Variants in ENTREP2 observed in about 807,000 individuals in gnomAD.
The protein encoded by ENTREP2 is endosomal transmembrane epsin interactor 2.
the ENTREP2 span, among the ~76,000 whole-genome samples, chr15:29,176,992 C>T: frequency 3.3e-5 from 5 of 152,168 alleles, no homozygotes; most frequent in Non-Finnish European, 5.9e-5. Flanking sequence ...AGTGTCTCCA[C>T]GTTGCCTGCA....
the ENTREP2 span, among the ~76,000 whole-genome samples, chr15:29,422,606 G>T: frequency 6.6e-6 from 1 of 152,214 alleles, no homozygotes; most frequent in African/African-American, 2.4e-5. Flanking sequence ...CTGTAATGTC[G>T]GAAGTTGCTG....
chr15:29,525,589 C>T, the ENTREP2 span, among the ~76,000 whole-genome samples: 1 of 152,230 alleles, frequency 6.6e-6, no homozygotes. Context: ...CATGAAACAA[C>T]ATGGATGAAT....
At chr15:29,381,584 G>A in the ENTREP2 span, among the ~76,000 whole-genome samples, 2 of 151,504 alleles carry the variant, frequency 1.3e-5, no homozygotes, top group African/African-American at 4.9e-5. Flanking sequence ...AGCGCTCTCA[G>A]AAGCACCTCC....
At chr15:29,470,162 C>G in the ENTREP2 span, among the ~76,000 whole-genome samples, 1 of 152,340 alleles carries the variant, frequency 6.6e-6, no homozygotes, top group East Asian at 1.9e-4. Context: ...CACAGACAGT[C>G]ACGGCGTGTG....
At chr15:29,602,873 T>C in the ENTREP2 span, among the ~76,000 whole-genome samples, 72,370 of 152,062 alleles carry the variant, frequency 0.48, 19,898 homozygotes, top group African/African-American at 0.77. Flanking sequence ...GTGATCTCAC[T>C]AAAATGACCA....
the ENTREP2 span, among the ~76,000 whole-genome samples, chr15:29,487,186 G>A: frequency 1.3e-5 from 2 of 152,064 alleles, no homozygotes; most frequent in African/African-American, 2.4e-5. Context: ...AAATAAAAGG[G>A]AAAAAGAAAT....
At chr15:29,429,402 G>T in the ENTREP2 span, among the ~76,000 whole-genome samples, 1 of 152,134 alleles carries the variant, frequency 6.6e-6, no homozygotes, top group Non-Finnish European at 1.5e-5. Context: ...TAAAAATTTT[G>T]TAGAGACAGA....
the ENTREP2 span, among the ~76,000 whole-genome samples, chr15:29,130,510 A>G: frequency 4.6e-5 from 7 of 152,168 alleles, no homozygotes; most frequent in Non-Finnish European, 7.3e-5. Flanking sequence ...ACGGGTGGTT[A>G]ACTTAGAACT....
At chr15:29,471,374 G>C in the ENTREP2 span, among the ~76,000 whole-genome samples, 1 of 152,224 alleles carries the variant, frequency 6.6e-6, no homozygotes, top group Admixed American at 6.5e-5. Flanking sequence ...GAGCTGCAGG[G>C]GCAGCCAGCA....
chr15:29,344,969 C>CGT, the ENTREP2 span, among the ~76,000 whole-genome samples: 1 of 148,512 alleles, frequency 6.7e-6, no homozygotes, highest in Non-Finnish European at 1.5e-5. Flanking sequence ...CACACACACA[C>CGT]ACGTCTGTGT....
At chr15:29,591,556 G>T in the ENTREP2 span, among the ~76,000 whole-genome samples, 1 of 152,126 alleles carries the variant, frequency 6.6e-6, no homozygotes, top group Non-Finnish European at 1.5e-5. Flanking sequence ...AGGTTAAAAT[G>T]AGGTCACTAC....
At chr15:29,587,610 T>C in the ENTREP2 span, among the ~76,000 whole-genome samples, 2 of 152,196 alleles carry the variant, frequency 1.3e-5, no homozygotes, top group Non-Finnish European at 2.9e-5. Context: ...TTATCTTGCC[T>C]TCCTATATGA....
At chr15:29,518,069 T>G in the ENTREP2 span, among the ~76,000 whole-genome samples, 2 of 152,138 alleles carry the variant, frequency 1.3e-5, no homozygotes, top group Non-Finnish European at 2.9e-5. Context: ...AGACCCTATC[T>G]AATTAGGCAT....
At chr15:29,166,706 G>C in the ENTREP2 span, among the ~76,000 whole-genome samples, 1 of 152,170 alleles carries the variant, frequency 6.6e-6, no homozygotes, top group Non-Finnish European at 1.5e-5. Flanking sequence ...CCAGGCTCGT[G>C]AATGGGTAGA....
At chr15:29,241,157 T>A in the ENTREP2 span, among the ~76,000 whole-genome samples, 1 of 152,138 alleles carries the variant, frequency 6.6e-6, no homozygotes, top group South Asian at 2.1e-4. Flanking sequence ...ATATCTAAAT[T>A]TACAGAAGAA....
chr15:29,632,997 T>C, the ENTREP2 span, among the ~76,000 whole-genome samples: 1 of 152,236 alleles, frequency 6.6e-6, no homozygotes, highest in Non-Finnish European at 1.5e-5. Context: ...TGGCCTGACC[T>C]TGATTCAGGT....
the ENTREP2 span, among the ~76,000 whole-genome samples, chr15:29,480,337 G>GAAA: frequency 4.4e-5 from 1 of 22,860 alleles, no homozygotes; most frequent in African/African-American, 1.9e-4. Flanking sequence ...ATTCACTATA[G>GAAA]CAAAAAAAAA....
At chr15:29,237,654 A>G in the ENTREP2 span, among the ~76,000 whole-genome samples, 1 of 152,204 alleles carries the variant, frequency 6.6e-6, no homozygotes, top group Non-Finnish European at 1.5e-5. Context: ...ACAAAGTCAG[A>G]AAAGAAACGT....
the ENTREP2 span, among the ~76,000 whole-genome samples, chr15:29,471,874 C>T: frequency 6.6e-6 from 1 of 152,088 alleles, no homozygotes; most frequent in South Asian, 2.1e-4. Context: ...ATTTGGGGGC[C>T]CTGATCCAGC....
Sources: gnomAD v4.1 joint callset for allele counts (sites outside exome capture counted in the v4.1 genomes callset) on GRCh38, gnomAD v4.1.1 for gene constraint, MANE v1.5 for transcripts, NCBI Gene and HGNC (gene_info 2026-07-23, HGNC 2026-07-21) for gene names.